Variants in SGCZ observed in about 807,000 individuals in gnomAD.
SGCZ encodes sarcoglycan zeta.
SGCZ carries 40 observed loss-of-function variants against 41.3 expected under a neutral mutation model. The observed-to-expected ratio is 0.97, with a 90% CI of 0.75 to 1.26. SGCZ has a LOEUF of 1.26. Ranked by LOEUF, SGCZ falls within the 50% of genes most tolerant of loss-of-function variation. SGCZ has a pLI of 0.00. For missense variants in SGCZ, 552 were observed against 369.8 expected, an observed-to-expected ratio of 1.49 and a Z score of -4.04; for synonymous variants, 206 against 137.5, an observed-to-expected ratio of 1.50 and a Z score of -3.49.
intron 1 of SGCZ, among the ~76,000 whole-genome samples, chr8:14,866,645 A>G (rs958976970): frequency 6.6e-6 from 1 of 152,022 alleles, no homozygotes; most frequent in Non-Finnish European, 1.5e-5. Flanking sequence ...CACCGCCTCT[A>G]CAAAAATACA....
chr8:14,762,175 TC>T, intron 1 of SGCZ, among the ~76,000 whole-genome samples: 1 of 152,160 alleles, frequency 6.6e-6, no homozygotes, highest in Admixed American at 6.5e-5. Context: ...AATATTCATT[TC>T]TTTTGAGTAT....
intron 1 of SGCZ, among the ~76,000 whole-genome samples, chr8:15,158,953 C>T (rs1233688549): frequency 6.6e-6 from 1 of 152,164 alleles, no homozygotes; most frequent in Admixed American, 6.5e-5. Flanking sequence ...TGATATACAA[C>T]TCCTAAAATC....
At chr8:15,098,649 T>A (rs988381635) in intron 1 of SGCZ, among the ~76,000 whole-genome samples, 5 of 152,260 alleles carry the variant, frequency 3.3e-5, no homozygotes, top group African/African-American at 1.2e-4. Flanking sequence ...CTGAAATACC[T>A]GTTCTGCCTT....
chr8:14,236,227 A>T (rs1585262273), intron 4 of SGCZ, among the ~76,000 whole-genome samples: 1 of 152,202 alleles, frequency 6.6e-6, no homozygotes, highest in African/African-American at 2.4e-5. Context: ...ATCCATACAC[A>T]TATCTCTTTT....
At chr8:15,001,097 T>C (rs1802402118) in intron 1 of SGCZ, among the ~76,000 whole-genome samples, 1 of 152,216 alleles carries the variant, frequency 6.6e-6, no homozygotes, top group Admixed American at 6.5e-5. Context: ...GAAGAACAAC[T>C]GGCCTCTTGG....
chr8:14,459,434 A>C (rs1271568140), intron 2 of SGCZ, among the ~76,000 whole-genome samples: 1 of 152,074 alleles, frequency 6.6e-6, no homozygotes. Context: ...TAAAATAAAA[A>C]ATAAAAAAAG....
intron 2 of SGCZ, among the ~76,000 whole-genome samples, chr8:14,428,846 G>T (rs1417103746): frequency 6.6e-6 from 1 of 152,176 alleles, no homozygotes; most frequent in African/African-American, 2.4e-5. Flanking sequence ...TTCACATTAA[G>T]ATTTCAAGAT....
At chr8:14,704,254 G>C (rs1809258785) in intron 1 of SGCZ, among the ~76,000 whole-genome samples, 1 of 151,906 alleles carries the variant, frequency 6.6e-6, no homozygotes, top group South Asian at 2.1e-4. Flanking sequence ...GACCTATGTT[G>C]AGTGTTCAAA....
chr8:14,277,721 A>G (rs1170212193), intron 3 of SGCZ, among the ~76,000 whole-genome samples: 1 of 152,158 alleles, frequency 6.6e-6, no homozygotes, highest in Non-Finnish European at 1.5e-5. Context: ...AAGCTGCCTA[A>G]CTTCCTAATC....
chr8:14,221,596 T>G (rs2054428), intron 4 of SGCZ, among the ~76,000 whole-genome samples: 107,549 of 152,122 alleles, frequency 0.71, 38,801 homozygotes, highest in African/African-American at 0.83. Context: ...ACCATTACAA[T>G]TGTGTATATG....
intron 2 of SGCZ, among the ~76,000 whole-genome samples, chr8:14,533,333 TA>T (rs5889538): frequency 0.13 from 19,959 of 151,986 alleles, 1,492 homozygotes; most frequent in East Asian, 0.32. Flanking sequence ...TTAGCAACAC[TA>T]AAAAAATTGG....
chr8:15,076,383 GA>G (rs1805531495), intron 1 of SGCZ, among the ~76,000 whole-genome samples: 1 of 152,108 alleles, frequency 6.6e-6, no homozygotes, highest in African/African-American at 2.4e-5. Context: ...ATGGGAGAGA[GA>G]AAAGGAGAGA....
intron 1 of SGCZ, among the ~76,000 whole-genome samples, chr8:14,828,114 G>C (rs1802400389): frequency 6.6e-6 from 1 of 152,122 alleles, no homozygotes; most frequent in Non-Finnish European, 1.5e-5. Context: ...ATTGCAGCAA[G>C]AACAAATACA....
chr8:15,220,091 C>A (rs1398719957), intron 1 of SGCZ, among the ~76,000 whole-genome samples: 1 of 151,860 alleles, frequency 6.6e-6, no homozygotes, highest in Non-Finnish European at 1.5e-5. Flanking sequence ...ATTTCAAGAA[C>A]AAATTAAAAA....
intron 2 of SGCZ, among the ~76,000 whole-genome samples, chr8:14,477,981 A>C (rs1801409135): frequency 6.6e-6 from 1 of 152,216 alleles, no homozygotes; most frequent in Non-Finnish European, 1.5e-5. Context: ...TGAAGACTTT[A>C]ATTTTCCAAG....
At chr8:14,337,464 G>T (rs1462330350) in intron 2 of SGCZ, among the ~76,000 whole-genome samples, 2 of 151,994 alleles carry the variant, frequency 1.3e-5, no homozygotes, top group African/African-American at 4.8e-5. Context: ...TACTCTCCTG[G>T]GATAAAGAAT....
chr8:14,543,051 G>C (rs2117156269), intron 2 of SGCZ, among the ~76,000 whole-genome samples: 1 of 151,820 alleles, frequency 6.6e-6, no homozygotes, highest in Middle Eastern at 3.4e-3. Context: ...ATATTGACTG[G>C]TTTTACTTTA....
intron 1 of SGCZ, among the ~76,000 whole-genome samples, chr8:14,594,371 A>T (rs1805341383): frequency 6.6e-6 from 1 of 152,038 alleles, no homozygotes; most frequent in Non-Finnish European, 1.5e-5. Context: ...GTAGCATTAA[A>T]AAAAAACATG....
intron 2 of SGCZ, among the ~76,000 whole-genome samples, chr8:14,477,796 C>T (rs1293814866): frequency 2.0e-5 from 3 of 152,156 alleles, no homozygotes; most frequent in Non-Finnish European, 1.5e-5. Flanking sequence ...CATACCTCTG[C>T]CTTAGATGAT....
Sources: allele counts gnomAD v4.1 joint callset (sites outside exome capture counted in the v4.1 genomes callset), GRCh38; gene constraint gnomAD v4.1.1; transcripts MANE v1.5; gene names NCBI Gene and HGNC (gene_info 2026-07-23, HGNC 2026-07-21).